The following PLEKHG5 variants were observed in gnomAD, a reference collection of about 807,000 sequenced individuals.
PLEKHG5 encodes pleckstrin homology domain-containing family G member 5.
In PLEKHG5, 52 loss-of-function variants were observed where a neutral mutation model predicts 103.8. The observed-to-expected ratio is 0.50, with a 90% CI of 0.40 to 0.63. The LOEUF is 0.63. Among genes scored for constraint, PLEKHG5 ranks in the 30% least tolerant of loss-of-function variants. The pLI is 0.00. For missense variants in PLEKHG5, 1,205 were observed against 1,347.6 expected, an observed-to-expected ratio of 0.89 and a Z score of 1.66; for synonymous variants, 592 against 575.5, an observed-to-expected ratio of 1.03 and a Z score of -0.41.
chr1:6,516,973 C>A lies in PLEKHG5; in HGVS notation c.-165+2472G>T, dbSNP rs927663257. ...TAAAAGTAATACCTCTGTGGCTGGGCAAGGTGGCTCACACCTATAATCTCA... is the reference window on the plus strand; with the variant it reads ...TAAAAGTAATACCTCTGTGGCTGGGAAAGGTGGCTCACACCTATAATCTCA... On this transcript the variant is annotated intron_variant, in intron 1 of 21. Coordinates refer to the PLEKHG5 transcript ENST00000377740. Among the ~76,000 whole-genome samples, 3 of 149,852 alleles carry A rather than the reference C, an allele frequency of 2.0e-5. No homozygotes were observed. In the South Asian group the frequency reaches 6.3e-4, roughly 32 times the overall value.
chr1:6,484,758 T>A (rs985349368), intron 1 of PLEKHG5, among the ~76,000 whole-genome samples: 2 of 151,838 alleles, frequency 1.3e-5, no homozygotes, highest in African/African-American at 4.8e-5. Flanking sequence ...GACACCAGGG[T>A]CCGGGGGGGA....
chr1:6,469,328 C>T lies in PLEKHG5; in HGVS notation c.2049+7G>A. On this transcript the variant is annotated splice_region_variant and intron_variant, in intron 18 of 20. Coordinates refer to ENST00000377728, the MANE Select transcript of PLEKHG5 (RefSeq NM_020631.6). ...CCTTGCCCACCCACTCACTACTCTGCACTCACCTGGGCATTGTAAATGGTG... is the reference window on the plus strand; with the variant it reads ...CCTTGCCCACCCACTCACTACTCTGTACTCACCTGGGCATTGTAAATGGTG... 6.2e-7 allele frequency: 1 copy of T among 1,613,634 alleles called. No homozygotes were observed. Among genetic ancestry groups the T allele is most frequent in the Non-Finnish European group, 8.5e-7 (1 of 1,179,564 alleles).
intron 9 of PLEKHG5, 64 bp from the exon 10 acceptor site, chr1:6,472,686 T>C (rs567997900): frequency 8.5e-7 from 1 of 1,173,906 alleles, no homozygotes; most frequent in South Asian, 1.3e-5. Context: ...CCGGGGAGGA[T>C]AAGCAACCTG....
At position 6,485,971 on chromosome 1, in the gene PLEKHG5, G is replaced by A. The variant is rs927062013; in HGVS notation, c.-88+5666C>T. ...TTGAATGCTGGAGGCAGGGGGCGCT[G>A]GTGACACCCCCCCCCACCTTGGAGA... On this transcript the variant is annotated intron_variant, in intron 1 of 20. Coordinates refer to ENST00000377728, the MANE Select transcript of PLEKHG5 (RefSeq NM_020631.6). 2.5e-5 allele frequency: 22 copies of A among 896,232 alleles called. No homozygotes were observed. The African/African-American group carries it at 2.7e-4, about 11-fold the overall frequency. 55.5% of individuals were successfully genotyped at this position (896,232 alleles called of 1,614,324 possible). A position where few individuals can be genotyped will look rare whatever the true frequency, so the allele number is the denominator to read the frequency against.
intron 1 of PLEKHG5, among the ~76,000 whole-genome samples, chr1:6,488,199 C>T (rs1013154596): frequency 6.6e-6 from 1 of 152,222 alleles, no homozygotes; most frequent in Non-Finnish European, 1.5e-5. Flanking sequence ...GTGGGAGTTC[C>T]AGGCAGTGAA....
chr1:6,477,798 C>A (rs144945365), intron 1 of PLEKHG5, 140 bp from the exon 2 acceptor site: 30 of 772,604 alleles, frequency 3.9e-5, no homozygotes, highest in Admixed American at 2.5e-4. Context: ...AGCAGTCCCC[C>A]CTCTCCCACA....
chr1:6,474,273 C>T (rs950058378), intron 6 of PLEKHG5, 109 bp from the exon 7 acceptor site: 21 of 1,423,774 alleles, frequency 1.5e-5, no homozygotes, highest in South Asian at 3.6e-5. Context: ...TGCCCTCCCC[C>T]GACAGCCCCG....
chr1:6,490,664 G>A lies in PLEKHG5; in HGVS notation c.-88+973C>T. ...CGGGATGTACCAACGGCGCCGCCCG[G>A]CTGGGACCGGGGAGAGGAGGGGTCC... is the stretch of plus-strand genomic sequence containing the variant. On this transcript the variant is annotated intron_variant, in intron 1 of 20. Coordinates refer to ENST00000377728, the MANE Select transcript of PLEKHG5 (RefSeq NM_020631.6). The surrounding 1 kb of genome is among the most constrained non-coding windows in gnomAD (Gnocchi z 8.0). 1.1e-6 allele frequency: 1 copy of A among 945,208 alleles called. No individual in the cohort carries two copies. The highest frequency in any genetic ancestry group is 1.3e-6 in the Non-Finnish European group (1 of 793,444). The allele number at this position is 945,208 out of a possible 1,614,324, so 58.6% of individuals were successfully genotyped here.
rs201090415 is a variant in PLEKHG5 at position 6,476,033 on chromosome 1, G to C, written c.47C>G (p.Ser16Cys). The C allele has an allele frequency of 2.0e-5, 32 of 1,612,862 alleles. No individual in the cohort carries two copies. The Admixed American group carries it at 2.2e-4, about 11-fold the overall frequency. The change falls in exon 3 of 21, where the codon TCT becomes TGT. Residue 16 changes from serine to cysteine, a missense_variant. Ser to Cys is a moderately radical substitution (Grantham distance 112). Transcript: ENST00000377728. ...HVRFDLPPQG[S>C]VLARNVSTRS... ...GGTGGACACGTTCCGGGCCAGCACA[G>C]AGCCTTGGGAGAAAGCAGGAGAGGG... is the stretch of plus-strand genomic sequence containing the variant.
chr1:6,498,224 G>A (rs1018807900), upstream of PLEKHG5, among the ~76,000 whole-genome samples: 1 of 152,150 alleles, frequency 6.6e-6, no homozygotes, highest in Non-Finnish European at 1.5e-5. Flanking sequence ...GCATTGCGCC[G>A]ACAAGACCTA....
Position 6,505,409 on chromosome 1 carries a change from C to T in PLEKHG5, c.-164-8840G>A, listed in dbSNP as rs562047827. 6.6e-6 allele frequency among the ~76,000 whole-genome samples: 1 copy of T among 152,246 alleles called. No homozygotes were observed. The highest frequency in any genetic ancestry group is 1.9e-4 in the East Asian group (1 of 5,184). On this transcript the variant is annotated intron_variant, in intron 1 of 21. Transcript: ENST00000377740. The surrounding 1 kb of genome is among the most constrained non-coding windows in gnomAD (Gnocchi z 4.2). Reference sequence around the variant, plus strand: ...CTGTTTGAAGCTCCCTGTGTGTCATCCCCATTAGTGCTCTCAGCCTCCCAG... The same window carrying T: ...CTGTTTGAAGCTCCCTGTGTGTCATTCCCATTAGTGCTCTCAGCCTCCCAG...
At chr1:6,518,101 T>C (rs1638674853) in intron 1 of PLEKHG5, among the ~76,000 whole-genome samples, 2 of 151,798 alleles carry the variant, frequency 1.3e-5, no homozygotes, top group Admixed American at 1.3e-4. Flanking sequence ...CCCAGCTGAT[T>C]TTTTGTATTT....
chr1:6,470,986 TCAC>T lies in PLEKHG5; in HGVS notation c.1392+1_1392+3del. The T allele has an allele frequency of 1.3e-6, 2 of 1,580,676 alleles. No individual in the cohort carries two copies. Among genetic ancestry groups the T allele is most frequent in the Non-Finnish European group, 1.7e-6 (2 of 1,162,888 alleles). Reference sequence around the variant, plus strand: ...GCCCCCGCCCACGGCACGCGCGCCCTCACCGTGATGTAGGCCCGGAAGAGGTCG... The same window carrying T: ...GCCCCCGCCCACGGCACGCGCGCCCTCGTGATGTAGGCCCGGAAGAGGTCG... On this transcript the variant is annotated splice_donor_variant and splice_donor_region_variant and intron_variant, in intron 13 of 20. Transcript: ENST00000377728. LOFTEE classifies it high-confidence loss of function.
chr1:6,509,059 T>C (rs1638405082), intron 1 of PLEKHG5, among the ~76,000 whole-genome samples: 2 of 152,124 alleles, frequency 1.3e-5, no homozygotes, highest in Non-Finnish European at 2.9e-5. Flanking sequence ...GGCCCTCAGC[T>C]GGAGGGCTGC....
chr1:6,476,793 C>A (rs777836860), intron 2 of PLEKHG5, among the ~76,000 whole-genome samples: 18 of 152,132 alleles, frequency 1.2e-4, no homozygotes, highest in Non-Finnish European at 2.2e-4. Flanking sequence ...CTTGCTCTGT[C>A]GCTCAGGCTG....
At position 6,477,726 on chromosome 1, in the gene PLEKHG5, G is replaced by A. The variant is rs1222808477; in HGVS notation, c.-87-68C>T. On this transcript the variant is annotated intron_variant, in intron 1 of 20. Coordinates refer to ENST00000377728, the MANE Select transcript of PLEKHG5 (RefSeq NM_020631.6). ...CCACATCCCTCGACCCCGGCCCAGC[G>A]CTGCAGGGACTTAGAATGAACTGCC... 13 of 1,535,194 alleles carry A rather than the reference G, an allele frequency of 8.5e-6. No individual in the cohort carries two copies. The African/African-American group carries it at 9.5e-5, about 11-fold the overall frequency.
Position 6,470,770 on chromosome 1 carries a change from C to G in PLEKHG5, c.1507G>C (p.Glu503Gln), listed in dbSNP as rs868161574. 36 of 1,566,408 alleles carry G rather than the reference C, an allele frequency of 2.3e-5. No homozygotes were observed. Among genetic ancestry groups the G allele is most frequent in the Middle Eastern group, 1.7e-4 (1 of 6,030 alleles). The change falls in exon 14 of 21, where the codon GAG becomes CAG. Residue 503 changes from glutamate to glutamine, a missense_variant. Coordinates refer to ENST00000377728, the MANE Select transcript of PLEKHG5 (RefSeq NM_020631.6). ...LLLKSVLRKT[E>Q]EPRAKEAVVA... ...ACGGCCTCCTTGGCGCGCGGCTCCT[C>G]GGTCTTCCTCAGCACCGACTTGAGC...
chr1:6,475,741 C>A (rs1644748605), intron 3 of PLEKHG5, among the ~76,000 whole-genome samples, 190 bp downstream of exon 3: 1 of 152,240 alleles, frequency 6.6e-6, no homozygotes, highest in African/African-American at 2.4e-5. Context: ...GCTAGGATCC[C>A]AAGCACCCTG....
intron 1 of PLEKHG5, among the ~76,000 whole-genome samples, chr1:6,514,453 C>CA (rs764736187): frequency 0.02 from 2,507 of 122,378 alleles, 15 homozygotes; most frequent in Non-Finnish European, 0.023. Flanking sequence ...GACCCTGCCT[C>CA]AAAAAAAAAA....
Sources: allele counts gnomAD v4.1 joint callset (sites outside exome capture counted in the v4.1 genomes callset), GRCh38; gene constraint gnomAD v4.1.1; non-coding constraint Gnocchi (gnomAD v3.1); transcripts MANE v1.5; gene names NCBI Gene and HGNC (gene_info 2026-07-23, HGNC 2026-07-21).